The following FOXP1 variants were observed in gnomAD, a reference collection of about 807,000 sequenced individuals.
FOXP1 encodes the protein forkhead box P1.
A neutral mutation model predicts 98.2 loss-of-function variants in FOXP1; 15 were observed. That is an observed-to-expected ratio of 0.15 (90% CI 0.10 to 0.24). The LOEUF is 0.24. Among genes scored for constraint, FOXP1 ranks in the 10% least tolerant of loss-of-function variants. The pLI is 1.00. For synonymous variants in FOXP1, 371 were observed against 314.5 expected (o/e 1.18, Z -1.90); for missense variants, 633 against 848.5 (o/e 0.75, Z 3.15).
intron 1 of FOXP1, chr3:71,582,569 A>C: frequency 2.0e-6 from 2 of 985,438 alleles, no homozygotes; most frequent in Non-Finnish European, 2.4e-6. Context: ...GACGCAGGAC[A>C]AATCGGAGCT....
intron 2 of FOXP1, among the ~76,000 whole-genome samples, chr3:71,500,671 A>C (rs2041269602): frequency 1.3e-5 from 2 of 152,076 alleles, no homozygotes; most frequent in Admixed American, 1.3e-4. Flanking sequence ...CTCATTCTAC[A>C]TCTTTCAACT....
chr3:70,966,716 C>CT (rs1234651598), intron 19 of FOXP1, among the ~76,000 whole-genome samples: 1 of 152,054 alleles, frequency 6.6e-6, no homozygotes, highest in African/African-American at 2.4e-5. Context: ...AGAACTCTGG[C>CT]AAAGGGAAGC....
At chr3:71,136,964 A>C (rs771210430) in intron 6 of FOXP1, among the ~76,000 whole-genome samples, 6 of 152,230 alleles carry the variant, frequency 3.9e-5, no homozygotes, top group Non-Finnish European at 7.3e-5. Context: ...TAAGGATGTC[A>C]TGCCTCCACT....
chr3:71,579,465 T>G (rs1249920876), intron 2 of FOXP1, among the ~76,000 whole-genome samples: 3 of 152,106 alleles, frequency 2.0e-5, no homozygotes, highest in African/African-American at 4.8e-5. Context: ...CAAGGACAAG[T>G]TACAGAGAAC....
At position 71,112,640 on chromosome 3, in the gene FOXP1, G is replaced by A. The variant is rs2107748789; in HGVS notation, c.181-3C>T. The A allele has an allele frequency of 6.2e-7, 1 of 1,612,240 alleles. No homozygotes were observed. The highest frequency in any genetic ancestry group is 8.5e-7 in the Non-Finnish European group (1 of 1,178,340). On this transcript the variant is annotated splice_region_variant and splice_polypyrimidine_tract_variant and intron_variant, in intron 6 of 20. Coordinates refer to ENST00000649528, the MANE Select transcript of FOXP1 (RefSeq NM_001349338.3). ...AGCTGTCTTGCCACCTGAAGTGCCT[G>A]GAAGGAAAAACAAGAAAATCCTTTG...
chr3:71,361,394 A>G (rs921598279), intron 3 of FOXP1, among the ~76,000 whole-genome samples: 9 of 152,216 alleles, frequency 5.9e-5, no homozygotes, highest in African/African-American at 2.2e-4. Context: ...TGGACTCCTC[A>G]AGGAACAGTC....
chr3:71,485,409 C>G (rs758583703), intron 3 of FOXP1, among the ~76,000 whole-genome samples: 2 of 152,200 alleles, frequency 1.3e-5, no homozygotes, highest in Non-Finnish European at 2.9e-5. Context: ...TTGCAACTGA[C>G]ATGTCATTTC....
intron 7 of FOXP1, among the ~76,000 whole-genome samples, chr3:71,082,289 A>G (rs1263089632): frequency 2.8e-4 from 43 of 151,834 alleles, no homozygotes; most frequent in South Asian, 1.9e-3. Flanking sequence ...AAAAAAAGAA[A>G]AAAAAAAAAA....
chr3:70,994,038 GAA>G (rs897216739), intron 13 of FOXP1, among the ~76,000 whole-genome samples: 218 of 108,902 alleles, frequency 2.0e-3, no homozygotes, highest in African/African-American at 5.7e-3. Context: ...AAAAGAAAAA[GAA>G]AAAAAAGTGA....
chr3:71,325,203 C>G lies in FOXP1; in HGVS notation c.-72-25323G>C, dbSNP rs1002420707. The stretch of plus-strand genomic sequence containing the variant: ...AAGTAGCTGGGATTACAGGCATAAA[C>G]CACCACACCCGGATAATTTTTGTAT... On this transcript the variant is annotated intron_variant, in intron 4 of 20. Transcript: ENST00000649528. Among the ~76,000 whole-genome samples, 4 of 152,242 alleles carry G rather than the reference C, an allele frequency of 2.6e-5. No homozygotes were observed. In the East Asian group the frequency reaches 7.7e-4, roughly 29 times the overall value.
At chr3:71,506,419 T>C (rs2041826612) in intron 2 of FOXP1, among the ~76,000 whole-genome samples, 3 of 151,926 alleles carry the variant, frequency 2.0e-5, no homozygotes, top group Non-Finnish European at 4.4e-5. Flanking sequence ...GTATCTGCTA[T>C]TCGAATCCGC....
At chr3:71,311,447 T>C (rs1023475849) in intron 4 of FOXP1, among the ~76,000 whole-genome samples, 1 of 152,168 alleles carries the variant, frequency 6.6e-6, no homozygotes, top group African/African-American at 2.4e-5. Context: ...GTTCAGTAAA[T>C]ACAGAATGAG....
At chr3:70,981,843 G>A (rs1218717870) in intron 14 of FOXP1, among the ~76,000 whole-genome samples, 2 of 152,136 alleles carry the variant, frequency 1.3e-5, no homozygotes, top group Non-Finnish European at 2.9e-5. Context: ...ATTTGCCAAA[G>A]GAGCCCAGAT....
chr3:71,562,166 A>G (rs563994419), intron 2 of FOXP1, among the ~76,000 whole-genome samples: 23 of 152,262 alleles, frequency 1.5e-4, no homozygotes, highest in Admixed American at 2.6e-4. Context: ...AGTCCTCCCA[A>G]TGGTTGTTTC....
chr3:71,186,976 G>A (rs1030596943), intron 6 of FOXP1, among the ~76,000 whole-genome samples: 13 of 152,210 alleles, frequency 8.5e-5, no homozygotes, highest in Admixed American at 1.3e-4. Context: ...CAGCATGAAC[G>A]CAGTTATAGG....
chr3:71,108,060 G>C (rs1244043425), intron 7 of FOXP1, among the ~76,000 whole-genome samples: 1 of 152,146 alleles, frequency 6.6e-6, no homozygotes, highest in Non-Finnish European at 1.5e-5. Flanking sequence ...GAAGGGCATG[G>C]GCAGGAAGGA....
chr3:71,367,735 G>A (rs1215574670), intron 3 of FOXP1, among the ~76,000 whole-genome samples: 1 of 152,142 alleles, frequency 6.6e-6, no homozygotes, highest in Non-Finnish European at 1.5e-5. Flanking sequence ...AAATAAGTGA[G>A]ATTAGTGAAC....
intron 3 of FOXP1, among the ~76,000 whole-genome samples, chr3:71,439,258 C>T (rs924227700): frequency 2.0e-5 from 3 of 152,164 alleles, no homozygotes; most frequent in African/African-American, 4.8e-5. Context: ...TGCATGCAAA[C>T]GATTGCCTTT....
chr3:71,365,451 CAAA>C (rs1209204141), intron 3 of FOXP1, among the ~76,000 whole-genome samples: 6 of 80,156 alleles, frequency 7.5e-5, no homozygotes, highest in Admixed American at 1.4e-4. Context: ...TTGCAACAAC[CAAA>C]AAAAAAAAAA....
Sources: allele counts gnomAD v4.1 joint callset (sites outside exome capture counted in the v4.1 genomes callset), GRCh38; gene constraint gnomAD v4.1.1; transcripts MANE v1.5; gene names NCBI Gene and HGNC (gene_info 2026-07-23, HGNC 2026-07-21).